SYT1: variants seen among roughly 807,000 people sequenced by gnomAD.
SYT1 encodes the protein synaptotagmin-1.
A neutral mutation model predicts 44.8 loss-of-function variants in SYT1; 8 were observed. The ratio of observed to expected loss-of-function variants is 0.18; its 90% CI spans 0.10 to 0.32. SYT1 has a LOEUF of 0.32. Ranked by LOEUF, SYT1 falls within the 10% of genes least tolerant of loss-of-function variation. The probability of loss-of-function intolerance (pLI) is 1.00; values close to 1 mark genes in which losing one functional copy is unlikely to be tolerated. For synonymous variants in SYT1, 154 were observed against 188.8 expected, an observed-to-expected ratio of 0.82 and a Z score of 1.51; for missense variants, 286 against 509.3, an observed-to-expected ratio of 0.56 and a Z score of 4.22.
At chr12:79,314,196 A>G (rs1482604259) in intron 8 of SYT1, among the ~76,000 whole-genome samples, 1 of 146,810 alleles carries the variant, frequency 6.8e-6, no homozygotes, top group African/African-American at 2.5e-5. Context: ...AAAAAAAATT[A>G]GCGGTTTTTG....
At chr12:78,944,174 G>C (rs903388136) in intron 1 of SYT1, among the ~76,000 whole-genome samples, 1 of 149,666 alleles carries the variant, frequency 6.7e-6, no homozygotes, top group Admixed American at 6.8e-5. Flanking sequence ...CAGTGTAGCT[G>C]AAACATATAC....
intron 9 of SYT1, among the ~76,000 whole-genome samples, chr12:79,411,089 T>C (rs1485843626): frequency 6.6e-6 from 1 of 152,180 alleles, no homozygotes; most frequent in Non-Finnish European, 1.5e-5. Context: ...ACATAGAAAT[T>C]TATTTCTCTG....
chr12:79,236,873 G>T (rs1876221308), intron 4 of SYT1, among the ~76,000 whole-genome samples: 1 of 152,146 alleles, frequency 6.6e-6, no homozygotes, highest in South Asian at 2.1e-4. Context: ...GTCATCATAG[G>T]GTAATTTGGA....
At chr12:79,339,105 T>A (rs533133751) in intron 8 of SYT1, among the ~76,000 whole-genome samples, 1 of 152,288 alleles carries the variant, frequency 6.6e-6, no homozygotes, top group African/African-American at 2.4e-5. Context: ...TCTTTGCTAT[T>A]GTGAATAGTG....
intron 9 of SYT1, among the ~76,000 whole-genome samples, chr12:79,382,537 A>G (rs1884267198): frequency 6.6e-6 from 1 of 152,176 alleles, no homozygotes; most frequent in Non-Finnish European, 1.5e-5. Flanking sequence ...TACTAGGGGT[A>G]AAAAAGACAG....
At chr12:79,441,961 C>A (rs1184734821) in intron 9 of SYT1, among the ~76,000 whole-genome samples, 1 of 152,216 alleles carries the variant, frequency 6.6e-6, no homozygotes, top group Non-Finnish European at 1.5e-5. Flanking sequence ...CTCCCCAAGG[C>A]ATTAATAACA....
chr12:79,441,234 C>T (rs950579882), intron 9 of SYT1, among the ~76,000 whole-genome samples: 2 of 151,734 alleles, frequency 1.3e-5, no homozygotes, highest in Non-Finnish European at 2.9e-5. Context: ...AGGCAAAGAC[C>T]GAGACTTCCC....
At chr12:79,447,029 T>C (rs980686460) in intron 10 of SYT1, among the ~76,000 whole-genome samples, 3 of 152,208 alleles carry the variant, frequency 2.0e-5, no homozygotes, top group African/African-American at 7.2e-5. Context: ...TGCAGGTATA[T>C]TGAAAGTGAA....
chr12:79,363,024 A>C (rs887730157), intron 9 of SYT1, among the ~76,000 whole-genome samples: 1 of 152,114 alleles, frequency 6.6e-6, no homozygotes, highest in Non-Finnish European at 1.5e-5. Context: ...TCCATGGGTA[A>C]CCATAAATAG....
intron 3 of SYT1, among the ~76,000 whole-genome samples, chr12:79,143,873 A>T (rs1406281666): frequency 6.6e-6 from 1 of 152,314 alleles, no homozygotes; most frequent in East Asian, 1.9e-4. Context: ...ATCTTTCTAA[A>T]GCCGAAAGAA....
chr12:79,153,798 C>T (rs1870424524), intron 3 of SYT1, among the ~76,000 whole-genome samples: 1 of 152,024 alleles, frequency 6.6e-6, no homozygotes, highest in Non-Finnish European at 1.5e-5. Flanking sequence ...TTTCTTTCTA[C>T]TGTTTGTCTG....
At chr12:78,962,332 C>CTTT (rs35875550) in intron 1 of SYT1, among the ~76,000 whole-genome samples, 195 of 130,124 alleles carry the variant, frequency 1.5e-3, no homozygotes, top group African/African-American at 3.9e-3. Context: ...AGCATTCTTT[C>CTTT]TTTTTTTTTT....
At chr12:78,886,747 CAAAATGCTTTTGGAG>C in intron 1 of SYT1, among the ~76,000 whole-genome samples, 1 of 152,028 alleles carries the variant, frequency 6.6e-6, no homozygotes, top group Admixed American at 6.6e-5. Context: ...GAAAGACCCA[CAAAATGCTTTTGGAG>C]AAAAGTGTAT....
At chr12:78,983,672 A>C (rs540695329) in intron 2 of SYT1, among the ~76,000 whole-genome samples, 1 of 152,222 alleles carries the variant, frequency 6.6e-6, no homozygotes, top group East Asian at 1.9e-4. Context: ...TAAATGTCTG[A>C]ATACACATCT....
chr12:79,174,227 C>A (rs1871718280), intron 3 of SYT1, among the ~76,000 whole-genome samples: 1 of 151,970 alleles, frequency 6.6e-6, no homozygotes, highest in South Asian at 2.1e-4. Flanking sequence ...AAAATGTTGG[C>A]ACAATGTGGT....
At chr12:79,179,479 A>ATATATC (rs1213897942) in intron 3 of SYT1, among the ~76,000 whole-genome samples, 549 of 19,150 alleles carry the variant, frequency 0.029, 6 homozygotes, top group South Asian at 0.068. Context: ...ATAGATATAG[A>ATATATC]GATATAGATA....
At chr12:79,243,154 G>A (rs767632660) in intron 4 of SYT1, among the ~76,000 whole-genome samples, 6 of 152,102 alleles carry the variant, frequency 3.9e-5, no homozygotes, top group East Asian at 1.9e-4. Context: ...ACCTCCCATC[G>A]GGTCCCTCCC....
At chr12:79,401,869 A>G (rs919907520) in intron 9 of SYT1, among the ~76,000 whole-genome samples, 6 of 151,994 alleles carry the variant, frequency 3.9e-5, no homozygotes, top group Non-Finnish European at 5.9e-5. Flanking sequence ...TGGTCTTGCT[A>G]TGTTGCCCAG....
intron 10 of SYT1, among the ~76,000 whole-genome samples, chr12:79,445,336 C>G (rs1439559217): frequency 1.3e-5 from 2 of 151,948 alleles, no homozygotes; most frequent in Non-Finnish European, 2.9e-5. Context: ...CTACTTGTAG[C>G]TATTTGAAAT....
Sources: gnomAD v4.1 joint callset for allele counts (sites outside exome capture counted in the v4.1 genomes callset) on GRCh38, gnomAD v4.1.1 for gene constraint, MANE v1.5 for transcripts, NCBI Gene and HGNC (gene_info 2026-07-23, HGNC 2026-07-21) for gene names.